WDFY4: variants seen among roughly 807,000 people sequenced by gnomAD.
WDFY4 encodes WDFY family member 4, also known as WD repeat- and FYVE domain-containing protein 4.
In WDFY4, 169 loss-of-function variants were observed where a neutral mutation model predicts 351.9. That is an observed-to-expected ratio of 0.48 (90% CI 0.42 to 0.55). The LOEUF is 0.55. WDFY4 is among the 20% of genes least tolerant of loss of function. The pLI is 0.00. For synonymous variants in WDFY4, 1,622 were observed against 1,574.6 expected (o/e 1.03, Z -0.71); for missense variants, 3,803 against 3,935.6 (o/e 0.97, Z 0.90).
chr10:48,784,917 G>C (rs1050482411), intron 19 of WDFY4, among the ~76,000 whole-genome samples: 2 of 147,490 alleles, frequency 1.4e-5, no homozygotes, highest in Admixed American at 6.8e-5. Flanking sequence ...GAGTGCAGTG[G>C]TGCGATCTCG....
chr10:48,832,088 A>G (rs1426393235), intron 38 of WDFY4, among the ~76,000 whole-genome samples: 1 of 152,254 alleles, frequency 6.6e-6, no homozygotes, highest in Non-Finnish European at 1.5e-5. Flanking sequence ...GAGAAAAGTA[A>G]AATAGGATAT....
At chr10:48,975,875 T>C (rs375560195) in intron 58 of WDFY4, among the ~76,000 whole-genome samples, 111 of 152,070 alleles carry the variant, frequency 7.3e-4, no homozygotes, top group African/African-American at 2.4e-3. Context: ...GAAAGATGGA[T>C]GAAATGGATA....
chr10:48,897,689 C>CAAAG, intron 45 of WDFY4, 115 bp downstream of exon 45: 2 of 1,438,134 alleles, frequency 1.4e-6, no homozygotes, highest in Non-Finnish European at 1.8e-6. Flanking sequence ...TGCCTATGCA[C>CAAAG]AGCCCAGTGC....
chr10:48,733,715 C>A (rs2064547108), intron 9 of WDFY4, among the ~76,000 whole-genome samples: 1 of 152,168 alleles, frequency 6.6e-6, no homozygotes, highest in South Asian at 2.1e-4. Flanking sequence ...CGGGTTTTAA[C>A]AAAATAAGCC....
At chr10:48,822,140 G>A (rs1360793359) in intron 34 of WDFY4, among the ~76,000 whole-genome samples, 1 of 152,190 alleles carries the variant, frequency 6.6e-6, no homozygotes, top group African/African-American at 2.4e-5. Flanking sequence ...AGGAAGAAAT[G>A]CTTCACCTTG....
intron 13 of WDFY4, among the ~76,000 whole-genome samples, chr10:48,768,664 C>T (rs1348701902): frequency 6.7e-6 from 1 of 150,046 alleles, no homozygotes; most frequent in Non-Finnish European, 1.5e-5. Flanking sequence ...CTAGGGAAAC[C>T]AAGGTGAAGA....
At position 48,721,306 on chromosome 10, in the gene WDFY4, A is replaced by T; in HGVS notation, c.395A>T (p.Asp132Val). The change falls in exon 4 of 62, where the codon GAC (aspartate) becomes GTC (valine). Residue 132 changes from aspartate (D) to valine (V), a missense_variant. Coordinates refer to ENST00000325239, the MANE Select transcript of WDFY4 (RefSeq NM_001394531.1). The stretch of plus-strand genomic sequence containing the variant: ...GGACAGTTGCTGTGGTGGAAGGGGG[A>T]CGTGGATCAGGATGGCTACTTGCTC... ...AAGQLLWWKG[D>V]VDQDGYLLLK... 1.3e-6 allele frequency: 2 copies of T among 1,551,506 alleles called. No homozygotes were observed. The highest frequency in any genetic ancestry group is 1.2e-5 in the South Asian group (1 of 84,040).
chr10:48,943,209 G>T (rs1840870269), intron 48 of WDFY4, 121 bp from the exon 49 acceptor site: 2 of 1,176,632 alleles, frequency 1.7e-6, no homozygotes, highest in South Asian at 1.6e-5. Context: ...TAACCGAGGG[G>T]CTGGCTGCCT....
intron 40 of WDFY4, among the ~76,000 whole-genome samples, chr10:48,869,359 A>G (rs1424235219): frequency 6.6e-6 from 1 of 152,210 alleles, no homozygotes; most frequent in African/African-American, 2.4e-5. Flanking sequence ...GTGGCCAGTA[A>G]CACACCACGC....
rs2064086791 is a variant in WDFY4 at position 48,721,480 on chromosome 10, G to A, written c.456+113G>A. On this transcript the variant is annotated intron_variant, in intron 4 of 61. Coordinates refer to ENST00000325239, the MANE Select transcript of WDFY4 (RefSeq NM_001394531.1). The stretch of plus-strand genomic sequence containing the variant: ...GAGGGTCATTCGTTTCATAAAACAG[G>A]TTTATTATTTCTCCTCCCTCCTCCC... 3.9e-5 allele frequency: 38 copies of A among 968,978 alleles called. 1 individual carries two copies. In the South Asian group the frequency reaches 5.7e-4, roughly 14 times the overall value. 60.0% of individuals were successfully genotyped at this position (968,978 alleles called of 1,614,324 possible).
chr10:48,777,491 G>A lies in WDFY4; in HGVS notation c.3171G>A (p.Gly1057=), dbSNP rs2132637197. The change falls in exon 17 of 62, where the codon GGG becomes GGA. Residue 1057 remains glycine, a synonymous_variant. Coordinates refer to ENST00000325239, the MANE Select transcript of WDFY4 (RefSeq NM_001394531.1). ...STEYSVSGGI[G]TGATRPFPPP... is the part of the protein sequence containing the mutation. ...AGTACTCTGTCTCTGGAGGAATTGG[G>A]ACAGGTAGGTGTTTTTCCCAGATGG... 2 of 1,551,712 alleles carry A rather than the reference G, an allele frequency of 1.3e-6. No homozygotes were observed.
intron 38 of WDFY4, among the ~76,000 whole-genome samples, chr10:48,832,342 C>T (rs560784601): frequency 1.3e-5 from 2 of 152,228 alleles, no homozygotes; most frequent in Non-Finnish European, 2.9e-5. Flanking sequence ...ATCAACAAGC[C>T]GTGGAGCTAG....
intron 45 of WDFY4, 63 bp downstream of exon 45, chr10:48,897,637 T>C (rs1297986349): frequency 2.0e-6 from 3 of 1,521,828 alleles, no homozygotes; most frequent in Non-Finnish European, 2.6e-6. Context: ...GGACAGGTGG[T>C]CCAGGAGCCA....
chr10:48,787,889 TTCTCCTTCTTCTTCTTCTTC>T lies in WDFY4; in HGVS notation c.3809-639_3809-620del, dbSNP rs2066492693. Among the ~76,000 whole-genome samples, 6 of 79,050 alleles carry T rather than the reference TTCTCCTTCTTCTTCTTCTTC, an allele frequency of 7.6e-5. No homozygotes were observed. The East Asian group carries it at 2.2e-3, about 29-fold the overall frequency. 51.9% of individuals were successfully genotyped at this position (79,050 alleles called of 152,430 possible). On this transcript the variant is annotated intron_variant, in intron 20 of 61. Coordinates refer to ENST00000325239, the MANE Select transcript of WDFY4 (RefSeq NM_001394531.1). ...CTTCTTTCTTCTTTCTTTCTTCTTC[TTCTCCTTCTTCTTCTTCTTC>T]TTCTTCTTCTTCTTCTTCTTCTTCT...
chr10:48,840,606 G>A (rs370268354), intron 39 of WDFY4, among the ~76,000 whole-genome samples: 43 of 152,136 alleles, frequency 2.8e-4, no homozygotes, highest in African/African-American at 8.2e-4. Context: ...AGAAGGAAGC[G>A]GGAAGGAGTC....
chr10:48,839,928 TGCC>T, intron 39 of WDFY4, among the ~76,000 whole-genome samples: 1 of 152,248 alleles, frequency 6.6e-6, no homozygotes, highest in Non-Finnish European at 1.5e-5. Flanking sequence ...TGGGCAATGC[TGCC>T]AAGGACCTCT....
rs1359175876 is a variant in WDFY4, at chr10:48,981,392, C to T, written c.9402C>T (p.Ala3134=). The T allele has an allele frequency of 1.3e-6, 2 of 1,551,666 alleles. No homozygotes were observed. The highest frequency in any genetic ancestry group is 4.9e-5 in the East Asian group (2 of 40,938). ...PRGHKWEKNL[A]LSRELDVSIA... is the part of the protein sequence containing the mutation. ...GCCACAAGTGGGAGAAGAACCTGGCCTTGAGTCGAGAGCTGGACGTTAGCA... is the reference window on the plus strand; with the variant it reads ...GCCACAAGTGGGAGAAGAACCTGGCTTTGAGTCGAGAGCTGGACGTTAGCA... The change falls in exon 61 of 62, where the codon GCC becomes GCT. Residue 3134 remains alanine (A), a synonymous_variant. Coordinates refer to ENST00000325239, the MANE Select transcript of WDFY4 (RefSeq NM_001394531.1).
intron 58 of WDFY4, among the ~76,000 whole-genome samples, chr10:48,976,196 G>A (rs1842561016): frequency 6.6e-6 from 1 of 152,208 alleles, no homozygotes; most frequent in African/African-American, 2.4e-5. Context: ...TGTGATTAGG[G>A]CAAGGCTCAA....
intron 60 of WDFY4, 129 bp from the exon 61 acceptor site, chr10:48,981,238 T>G (rs1842792008): frequency 1.3e-6 from 1 of 754,200 alleles, no homozygotes; most frequent in Non-Finnish European, 2.1e-6. Flanking sequence ...TATTTCCCCC[T>G]CAATTTAACA....
Sources: allele counts gnomAD v4.1 joint callset (sites outside exome capture counted in the v4.1 genomes callset), GRCh38; gene constraint gnomAD v4.1.1; transcripts MANE v1.5; gene names NCBI Gene and HGNC (gene_info 2026-07-23, HGNC 2026-07-21).